CSNK1A1: variants seen among roughly 807,000 people sequenced by gnomAD.
The protein encoded by CSNK1A1 is casein kinase I isoform alpha.
Under a neutral mutation model 46.1 loss-of-function variants are expected in CSNK1A1, and 7 were observed. The ratio of observed to expected loss-of-function variants is 0.15; its 90% CI spans 0.09 to 0.29. The LOEUF (loss-of-function observed/expected upper bound fraction) is 0.29, where lower values mean the gene tolerates loss of function less well. Among genes scored for constraint, CSNK1A1 ranks in the 10% least tolerant of loss-of-function variants. The probability of loss-of-function intolerance (pLI) is 1.00; values close to 1 mark genes in which losing one functional copy is unlikely to be tolerated. For synonymous variants in CSNK1A1, 137 were observed against 141.5 expected (o/e 0.97, Z 0.23); for missense variants, 96 against 417.1 (o/e 0.23, Z 6.71).
At chr5:149,544,820 T>A (rs1252981860) in intron 2 of CSNK1A1, among the ~76,000 whole-genome samples, 1 of 145,834 alleles carries the variant, frequency 6.9e-6, no homozygotes. Flanking sequence ...AGGCTAGTAG[T>A]AGTTAAGCTT....
At chr5:149,497,836 CT>C in intron 9 of CSNK1A1, 1 of 985,184 alleles carries the variant, frequency 1.0e-6, no homozygotes, top group South Asian at 4.7e-5. Context: ...TCTTTTAGTT[CT>C]TTTTTCTTTT....
At chr5:149,526,355 C>CAA (rs1761725090) in intron 2 of CSNK1A1, among the ~76,000 whole-genome samples, 1 of 152,090 alleles carries the variant, frequency 6.6e-6, no homozygotes, top group African/African-American at 2.4e-5. Context: ...CTTGTAAAGG[C>CAA]AGAGTCTCCC....
At chr5:149,515,612 T>G (rs1244856957) in intron 4 of CSNK1A1, among the ~76,000 whole-genome samples, 2 of 152,170 alleles carry the variant, frequency 1.3e-5, no homozygotes, top group African/African-American at 2.4e-5. Flanking sequence ...AGTAAACAAC[T>G]GAAAGGAAAA....
chr5:149,511,994 G>T, intron 5 of CSNK1A1, 122 bp from the exon 6 acceptor site: 1 of 680,308 alleles, frequency 1.5e-6, no homozygotes, highest in Non-Finnish European at 2.4e-6. Flanking sequence ...GGTGTCTTAC[G>T]CAAGAAGCTA....
intron 2 of CSNK1A1, among the ~76,000 whole-genome samples, chr5:149,537,485 C>T (rs553281325): frequency 6.6e-6 from 1 of 152,212 alleles, no homozygotes; most frequent in African/African-American, 2.4e-5. Context: ...CACTAACTAC[C>T]CTCAACAGCT....
At chr5:149,523,259 C>T (rs570910577) in intron 3 of CSNK1A1, among the ~76,000 whole-genome samples, 7 of 152,204 alleles carry the variant, frequency 4.6e-5, no homozygotes, top group Admixed American at 2.0e-4. Flanking sequence ...AGGCTGGTCT[C>T]GAACTCCTGA....
chr5:149,517,974 G>C lies in CSNK1A1; in HGVS notation c.456+2316C>G, dbSNP rs1761450167. 5.5e-6 allele frequency: 4 copies of C among 728,320 alleles called. No individual in the cohort carries two copies. The highest frequency in any genetic ancestry group is 4.8e-6 in the Non-Finnish European group (2 of 417,116). 45.1% of individuals were successfully genotyped at this position (728,320 alleles called of 1,614,324 possible). On this transcript the variant is annotated intron_variant, in intron 4 of 9. Transcript: ENST00000377843. This position sits in a 1 kb window ranked among gnomAD's most constrained non-coding sequence, Gnocchi z 4.4. ...AGGCAACACCGAGGCATTAGAGAAA[G>C]AACAGGGTAGCCAAATGCCATCCTT...
At chr5:149,545,564 A>C in intron 2 of CSNK1A1, 1 of 707,192 alleles carries the variant, frequency 1.4e-6, no homozygotes, top group Admixed American at 1.8e-5. Context: ...TAGGCAAGTC[A>C]ATCGAGTTCG....
chr5:149,513,408 A>G (rs979930356), intron 4 of CSNK1A1, among the ~76,000 whole-genome samples, 199 bp from the exon 5 acceptor site: 3 of 152,212 alleles, frequency 2.0e-5, no homozygotes, highest in Non-Finnish European at 2.9e-5. Flanking sequence ...CAAGTTAAAA[A>G]AAAAAAGTCT....
At position 149,535,543 on chromosome 5, in the gene CSNK1A1, C is replaced by T. The variant is rs545449654; in HGVS notation, c.231-10372G>A. On this transcript the variant is annotated intron_variant, in intron 2 of 9. Coordinates refer to ENST00000377843, the MANE Select transcript of CSNK1A1 (RefSeq NM_001892.6). ...ACTCCTTAAAAAGGGATAACATGTA[C>T]ATTAAAAAGTTTCAGAAAGAAAAAA... Among the ~76,000 whole-genome samples, 18 of 152,228 alleles carry T rather than the reference C, an allele frequency of 1.2e-4. 1 individual carries two copies. The South Asian group carries it at 2.9e-3, about 25-fold the overall frequency.
chr5:149,514,624 TCA>T (rs1409214080), intron 4 of CSNK1A1, among the ~76,000 whole-genome samples: 1 of 152,206 alleles, frequency 6.6e-6, no homozygotes, highest in Non-Finnish European at 1.5e-5. Context: ...GGAAACTTGA[TCA>T]CCTAACCTGC....
At chr5:149,545,066 C>T (rs924267169) in intron 2 of CSNK1A1, among the ~76,000 whole-genome samples, 2 of 150,444 alleles carry the variant, frequency 1.3e-5, no homozygotes, top group Admixed American at 6.6e-5. Context: ...CACACCATTG[C>T]ACTCCAGCCT....
chr5:149,518,802 G>A (rs1029023402), intron 4 of CSNK1A1, among the ~76,000 whole-genome samples: 7 of 152,084 alleles, frequency 4.6e-5, no homozygotes, highest in Admixed American at 4.6e-4. Context: ...GGGTTGTGGG[G>A]GAGGGGGGGA....
Position 149,496,244 on chromosome 5 carries a change from T to A in CSNK1A1, c.*609A>T, listed in dbSNP as rs1357725067. The stretch of plus-strand genomic sequence containing the variant: ...CTAAGTTTTTCTTAAGTCTTCACTT[T>A]AGATGCTGTTATTTCTAGCACAATT... On this transcript the variant is annotated 3_prime_UTR_variant, in exon 10 of 10. Transcript: ENST00000377843. 6.5e-6 allele frequency: 1 copy of A among 152,770 alleles called. No homozygotes were observed. Among genetic ancestry groups the A allele is most frequent in the Non-Finnish European group, 1.5e-5 (1 of 68,124 alleles). The allele number at this position is 152,770 out of a possible 1,614,324, so 9.5% of individuals were successfully genotyped here. A position where few individuals can be genotyped will look rare whatever the true frequency, so the allele number is the denominator to read the frequency against.
intron 9 of CSNK1A1, chr5:149,501,072 G>A: frequency 1.0e-6 from 1 of 985,402 alleles, no homozygotes; most frequent in Non-Finnish European, 1.2e-6. Context: ...ACACCACTGA[G>A]TCATAGCAAC....
In CSNK1A1 at chr5:149,531,535, A is replaced by G. The variant is rs577209222; in HGVS notation, c.231-6364T>C. 4.7e-3 allele frequency among the ~76,000 whole-genome samples: 699 copies of G among 149,520 alleles called. 1 individual carries two copies. Among genetic ancestry groups the G allele is most frequent in the Non-Finnish European group, 6.9e-3 (467 of 67,396 alleles). On this transcript the variant is annotated intron_variant, in intron 2 of 9. Coordinates refer to ENST00000377843, the MANE Select transcript of CSNK1A1 (RefSeq NM_001892.6). ...CTCTGTCTCAAAAAAAAAAGAAAGAAAGAAAAGAAAAAGAAAAAAAATCAA... is the reference window on the plus strand; with the variant it reads ...CTCTGTCTCAAAAAAAAAAGAAAGAGAGAAAAGAAAAAGAAAAAAAATCAA...
intron 2 of CSNK1A1, among the ~76,000 whole-genome samples, chr5:149,543,297 C>G (rs1049598603): frequency 7.9e-5 from 12 of 152,114 alleles, no homozygotes; most frequent in Non-Finnish European, 1.6e-4. Context: ...CCCTGAGATT[C>G]AACAGTCTAA....
chr5:149,550,745 G>A lies in CSNK1A1; in HGVS notation c.123+97C>T. On this transcript the variant is annotated intron_variant, in intron 1 of 9. Transcript: ENST00000377843. The surrounding 1 kb of genome is among the most constrained non-coding windows in gnomAD (Gnocchi z 4.3). ...CCTGGACTCCCTGGCGAGTGCGTGC[G>A]ATGAGGAGAGGCCCGAGCACTTTGG... 6.5e-7 allele frequency: 1 copy of A among 1,539,628 alleles called. No individual in the cohort carries two copies. The highest frequency in any genetic ancestry group is 1.9e-5 in the Admixed American group (1 of 52,882).
intron 2 of CSNK1A1, among the ~76,000 whole-genome samples, chr5:149,543,057 G>A (rs1176036015): frequency 6.6e-6 from 1 of 152,046 alleles, no homozygotes; most frequent in Non-Finnish European, 1.5e-5. Flanking sequence ...GGGAGAATAA[G>A]AACACCCTGA....
Sources: gnomAD v4.1 joint callset for allele counts (sites outside exome capture counted in the v4.1 genomes callset) on GRCh38, gnomAD v4.1.1 for gene constraint, Gnocchi (gnomAD v3.1) non-coding constraint, MANE v1.5 for transcripts, NCBI Gene and HGNC (gene_info 2026-07-23, HGNC 2026-07-21) for gene names.